Variants in NFYC observed in about 807,000 individuals in gnomAD.
NFYC encodes nuclear transcription factor Y subunit gamma.
NFYC carries 25 observed loss-of-function variants against 53.1 expected under a neutral mutation model. The observed-to-expected ratio is 0.47, with a 90% CI of 0.34 to 0.66. The LOEUF is 0.66. Ranked by LOEUF, NFYC falls within the 30% of genes least tolerant of loss-of-function variation. The pLI is 0.01. For synonymous variants in NFYC, 145 were observed against 152.6 expected (o/e 0.95, Z 0.37); for missense variants, 260 against 422.7 (o/e 0.62, Z 3.38).
intron 5 of NFYC, chr1:40,754,282 C>T (rs1646083947): frequency 9.4e-6 from 5 of 533,304 alleles, no homozygotes; most frequent in South Asian, 1.4e-5. Flanking sequence ...TGCATGAGGG[C>T]CTTTGGATTA....
chr1:40,770,805 GC>G lies in NFYC; in HGVS notation c.991del (p.Gln331ArgfsTer2), dbSNP rs1427633796. On this transcript the variant is annotated frameshift_variant, in exon 10 of 10. Coordinates refer to ENST00000447388, the MANE Select transcript of NFYC (RefSeq NM_014223.5). LOFTEE classifies it high-confidence loss of function. This position sits in a 1 kb window ranked among gnomAD's most constrained non-coding sequence, Gnocchi z 5.3. Reference sequence around the variant, plus strand: ...AGCCAACCAGCCCTCCGACGGGCAGGCCCCCCAGGTGACCGGCGACTGAGGG... The same window carrying G: ...AGCCAACCAGCCCTCCGACGGGCAGGCCCCCAGGTGACCGGCGACTGAGGG... ...QSANQPSDGQ[A>X]PQVTGD 2 of 1,610,820 alleles carry G rather than the reference GC, an allele frequency of 1.2e-6. No individual in the cohort carries two copies.
intron 5 of NFYC, chr1:40,754,516 T>C (rs1570660843): frequency 2.1e-6 from 1 of 469,928 alleles, no homozygotes; most frequent in East Asian, 6.1e-5. Flanking sequence ...ATTCCTCCTC[T>C]TGGGGGTCCT....
Position 40,770,240 on chromosome 1 carries a change from A to C in NFYC, c.889-469A>C. The C allele has an allele frequency of 1.3e-6, 1 of 758,920 alleles. No homozygotes were observed. The highest frequency in any genetic ancestry group is 2.9e-5 in the Admixed American group (1 of 34,378). The allele number at this position is 758,920 out of a possible 1,614,324, so 47.0% of individuals were successfully genotyped here. On this transcript the variant is annotated intron_variant, in intron 9 of 9. Transcript: ENST00000447388. The surrounding 1 kb of genome is among the most constrained non-coding windows in gnomAD (Gnocchi z 5.3). Reference sequence around the variant, plus strand: ...AGCAGGGTCCATGGAGAAAATTCAAATTCAGTTTAGTTTCAACCTGAGCCA... The same window carrying C: ...AGCAGGGTCCATGGAGAAAATTCAACTTCAGTTTAGTTTCAACCTGAGCCA...
intron 1 of NFYC, chr1:40,735,087 G>A (rs1455610539): frequency 6.6e-6 from 1 of 151,910 alleles, no homozygotes; most frequent in Non-Finnish European, 1.5e-5. Context: ...TAAGCTGGTT[G>A]AACACTTAAG....
intron 5 of NFYC, chr1:40,757,240 G>T (rs540588929): frequency 2.2e-6 from 1 of 454,504 alleles, no homozygotes; most frequent in East Asian, 6.1e-5. Context: ...GCCGTTCTGT[G>T]TCAGTGGTCA....
chr1:40,727,309 G>T (rs142613576), intron 1 of NFYC, among the ~76,000 whole-genome samples: 2 of 151,738 alleles, frequency 1.3e-5, no homozygotes, highest in African/African-American at 2.4e-5. Context: ...CTGCAGCCCT[G>T]ATCTCCCAGG....
chr1:40,749,250 T>G (rs998413570), intron 3 of NFYC, among the ~76,000 whole-genome samples: 17 of 152,310 alleles, frequency 1.1e-4, no homozygotes, highest in African/African-American at 3.8e-4. Context: ...GATTAGAACC[T>G]AAACCCTGCC....
intron 1 of NFYC, among the ~76,000 whole-genome samples, chr1:40,729,071 T>C (rs1644650141): frequency 6.6e-6 from 1 of 152,226 alleles, no homozygotes; most frequent in Admixed American, 6.5e-5. Flanking sequence ...TGTGCTGTCA[T>C]CCAAGCTTTG....
At chr1:40,758,322 C>A (rs1162512592) in intron 6 of NFYC, 28 bp downstream of exon 6, 1 of 1,582,552 alleles carries the variant, frequency 6.3e-7, no homozygotes, top group South Asian at 1.2e-5. Flanking sequence ...GATGCCCATC[C>A]AGCAAGACAG....
chr1:40,721,635 A>T (rs188060883), intron 1 of NFYC: 1 of 152,244 alleles, frequency 6.6e-6, no homozygotes, highest in African/African-American at 2.4e-5. Flanking sequence ...ATCATGGCTC[A>T]TTGCAGTCTC....
At position 40,758,195 on chromosome 1, in the gene NFYC, T is replaced by G; in HGVS notation, c.462T>G (p.Ala154=). 6.2e-7 allele frequency: 1 copy of G among 1,612,954 alleles called. No homozygotes were observed. The highest frequency in any genetic ancestry group is 8.5e-7 in the Non-Finnish European group (1 of 1,180,026). The change falls in exon 6 of 10, where the codon GCT becomes GCG. Residue 154 remains alanine (A), a synonymous_variant. Coordinates refer to ENST00000447388, the MANE Select transcript of NFYC (RefSeq NM_014223.5). ...TCACGCTGGCTCAGCAACCCACCGCTGTCCAAGTCCAGGGCCAGCAGCAAG... is the reference window on the plus strand; with the variant it reads ...TCACGCTGGCTCAGCAACCCACCGCGGTCCAAGTCCAGGGCCAGCAGCAAG... ...YYFTLAQQPT[A]VQVQGQQQGQ... is the part of the protein sequence containing the mutation.
chr1:40,761,156 G>C lies in NFYC; in HGVS notation c.562-1732G>C, dbSNP rs568492673. Among the ~76,000 whole-genome samples, 21 of 152,326 alleles carry C rather than the reference G, an allele frequency of 1.4e-4. No homozygotes were observed. The South Asian group carries it at 4.1e-3, about 30-fold the overall frequency. On this transcript the variant is annotated intron_variant, in intron 6 of 9. Transcript: ENST00000447388. ...CTTGGAAATCCTCTCGGGAAAATTG[G>C]GTTGATACAGTACAGTGATGAGTTG... is the stretch of plus-strand genomic sequence containing the variant.
intron 1 of NFYC, among the ~76,000 whole-genome samples, chr1:40,727,199 TTTTG>T (rs202182565): frequency 1.5e-4 from 23 of 152,242 alleles, no homozygotes; most frequent in Admixed American, 3.3e-4. Flanking sequence ...GAATGGCTTT[TTTTG>T]TTTGTTTGTT....
At chr1:40,737,775 G>T (rs1190677533) in intron 1 of NFYC, among the ~76,000 whole-genome samples, 11 of 152,144 alleles carry the variant, frequency 7.2e-5, no homozygotes, top group African/African-American at 2.4e-4. Flanking sequence ...TACCTACACA[G>T]TTAATGGCCT....
chr1:40,727,277 G>A (rs1004348494), intron 1 of NFYC, among the ~76,000 whole-genome samples: 37 of 152,150 alleles, frequency 2.4e-4, no homozygotes, highest in African/African-American at 8.9e-4. Flanking sequence ...AGACTGGAGT[G>A]CAGTAGCAAG....
chr1:40,761,541 T>C (rs1417922263), intron 6 of NFYC, among the ~76,000 whole-genome samples: 1 of 152,322 alleles, frequency 6.6e-6, no homozygotes, highest in Middle Eastern at 3.4e-3. Context: ...GAGTTGAAAA[T>C]TGTGGTACAA....
chr1:40,698,575 G>A (rs977782955), intron 1 of NFYC, among the ~76,000 whole-genome samples: 5 of 151,048 alleles, frequency 3.3e-5, no homozygotes, highest in Non-Finnish European at 7.4e-5. Context: ...CTACAGGTGC[G>A]TGCCACCACA....
chr1:40,707,445 A>G (rs1423450608), intron 1 of NFYC, among the ~76,000 whole-genome samples: 2 of 148,390 alleles, frequency 1.3e-5, no homozygotes, highest in Non-Finnish European at 3.0e-5. Context: ...ACGCCGCTGC[A>G]CTCCAGCCTA....
Position 40,738,817 on chromosome 1 carries a change from T to C in NFYC, c.-8-19T>C. The C allele has an allele frequency of 6.4e-7, 1 of 1,556,786 alleles. No individual in the cohort carries two copies. On this transcript the variant is annotated intron_variant, in intron 1 of 9. Transcript: ENST00000447388. ...ACTTTATTGTTTCTAATGTGTCTTA[T>C]GTATGTGTTTATTTTCAGTTGTCGA...
Sources: allele counts gnomAD v4.1 joint callset (sites outside exome capture counted in the v4.1 genomes callset), GRCh38; gene constraint gnomAD v4.1.1; non-coding constraint Gnocchi (gnomAD v3.1); transcripts MANE v1.5; gene names NCBI Gene and HGNC (gene_info 2026-07-23, HGNC 2026-07-21).